The following CLSTN1 variants were observed in gnomAD, a reference collection of about 807,000 sequenced individuals.
CLSTN1 encodes calsyntenin 1, also known as calsyntenin-1.
CLSTN1 carries 28 observed loss-of-function variants against 108.3 expected under a neutral mutation model. That is an observed-to-expected ratio of 0.26 (90% CI 0.19 to 0.35). The LOEUF is 0.35. Among genes scored for constraint, CLSTN1 ranks in the 10% least tolerant of loss-of-function variants. The probability of loss-of-function intolerance (pLI) is 1.00; values close to 1 mark genes in which losing one functional copy is unlikely to be tolerated. For synonymous variants in CLSTN1, 524 were observed against 534.9 expected (o/e 0.98, Z 0.28); for missense variants, 1,157 against 1,302.6 (o/e 0.89, Z 1.72).
rs186337573 is a variant in CLSTN1 at position 9,768,358 on chromosome 1, C to T, written c.214+4914G>A. Among the ~76,000 whole-genome samples, 390 of 84,082 alleles carry T rather than the reference C, an allele frequency of 4.6e-3. 2 individuals carry two copies. The highest frequency in any genetic ancestry group is 0.015 in the African/African-American group (348 of 23,032). The allele number at this position is 84,082 out of a possible 152,430, so 55.2% of individuals were successfully genotyped here. On this transcript the variant is annotated intron_variant, in intron 2 of 18. Coordinates refer to ENST00000377298, the MANE Select transcript of CLSTN1 (RefSeq NM_001009566.3). ...TCTATGTTGGGCGGCACCATGGGGG[C>T]GGGATTCTGTGTTGGGCGGCACCAT...
chr1:9,796,135 G>A (rs1442807766), intron 1 of CLSTN1, among the ~76,000 whole-genome samples: 6 of 150,676 alleles, frequency 4.0e-5, no homozygotes, highest in South Asian at 2.2e-4. Flanking sequence ...GGTGGTGGGC[G>A]CCTGTAATCC....
Position 9,756,481 on chromosome 1 carries a change from C to CTT in CLSTN1, c.242_243dup (p.Gly82LysfsTer20). 6.2e-7 allele frequency: 1 copy of CTT among 1,612,114 alleles called. No homozygotes were observed. Among genetic ancestry groups the CTT allele is most frequent in the East Asian group, 2.2e-5 (1 of 44,862 alleles). On this transcript the variant is annotated frameshift_variant and splice_region_variant, in exon 3 of 19. Transcript: ENST00000377298. LOFTEE classifies it high-confidence loss of function. Reference sequence around the variant, plus strand: ...AGGGGAAGAAAGAACCCTTTATCACCTTCTTTGGTGACTGTCACCTCAAAA... The same window carrying CTT: ...AGGGGAAGAAAGAACCCTTTATCACCTTTTCTTTGGTGACTGTCACCTCAAAA...
chr1:9,755,142 C>A lies in CLSTN1; in HGVS notation c.412G>T (p.Asp138Tyr). The change falls in exon 4 of 19, where the codon GAT becomes TAT. Residue 138 changes from aspartate to tyrosine, a missense_variant. Coordinates refer to ENST00000377298, the MANE Select transcript of CLSTN1 (RefSeq NM_001009566.3). ...IQAYDCGKGP[D>Y]GTNVKKSHKA... ...TGAGACTTTTTCACGTTGGTGCCAT[C>A]AGGTCCCTTCCCACAATCATAGGCC... The A allele has an allele frequency of 5.0e-6, 8 of 1,613,210 alleles. No individual in the cohort carries two copies. Among genetic ancestry groups the A allele is most frequent in the Non-Finnish European group, 6.8e-6 (8 of 1,179,348 alleles).
At chr1:9,758,216 C>A (rs903388281) in intron 2 of CLSTN1, among the ~76,000 whole-genome samples, 4 of 152,192 alleles carry the variant, frequency 2.6e-5, no homozygotes, top group African/African-American at 9.7e-5. Flanking sequence ...TGGTCTCGAA[C>A]TCCTGGCATC....
chr1:9,738,656 TTTTG>T (rs757138335), intron 10 of CLSTN1, among the ~76,000 whole-genome samples: 33 of 152,314 alleles, frequency 2.2e-4, no homozygotes, highest in East Asian at 5.8e-4. Context: ...TGTGGGGTTT[TTTTG>T]TTTGTTTGTT....
chr1:9,740,187 G>T (rs139065812), intron 10 of CLSTN1, among the ~76,000 whole-genome samples: 1 of 152,024 alleles, frequency 6.6e-6, no homozygotes, highest in Non-Finnish European at 1.5e-5. Context: ...AGCCTCTCGA[G>T]TAGCTGGGAT....
At chr1:9,819,912 T>C (rs576856593) in intron 1 of CLSTN1, among the ~76,000 whole-genome samples, 2 of 152,128 alleles carry the variant, frequency 1.3e-5, no homozygotes, top group Admixed American at 6.5e-5. Context: ...AGCTGAAAAT[T>C]ATAGTATTTT....
chr1:9,804,220 G>T (rs189924172), intron 1 of CLSTN1, among the ~76,000 whole-genome samples: 2 of 151,912 alleles, frequency 1.3e-5, no homozygotes, highest in African/African-American at 4.8e-5. Flanking sequence ...AAAATTAGCC[G>T]GGCGTGGTGG....
chr1:9,799,039 GAC>G (rs903923531), intron 1 of CLSTN1, among the ~76,000 whole-genome samples: 64 of 151,992 alleles, frequency 4.2e-4, no homozygotes, highest in African/African-American at 1.5e-3. Flanking sequence ...AAATTAGCCA[GAC>G]ATAGTGGTGC....
chr1:9,778,796 C>T (rs959619642), intron 1 of CLSTN1, among the ~76,000 whole-genome samples: 2 of 151,910 alleles, frequency 1.3e-5, no homozygotes, highest in African/African-American at 4.8e-5. Context: ...GGGTGGATCA[C>T]CTGAGGTCAG....
Position 9,731,363 on chromosome 1 carries a change from ATCACAACTG to A in CLSTN1, c.2582_2590del (p.Thr861_Val863del), listed in dbSNP as rs1009553103. 11 of 1,614,220 alleles carry A rather than the reference ATCACAACTG, an allele frequency of 6.8e-6. No individual in the cohort carries two copies. The East Asian group carries it at 2.0e-4, about 29-fold the overall frequency. On this transcript the variant is annotated inframe_deletion, in exon 18 of 19. Transcript: ENST00000377298. The stretch of plus-strand genomic sequence containing the variant: ...CACCAGGAAGCTGACGCACACCACG[ATCACAACTG>A]TCGCAGTGCTGGGGACGACTGTGGG...
intron 1 of CLSTN1, among the ~76,000 whole-genome samples, chr1:9,812,616 G>A (rs1654806066): frequency 6.6e-6 from 1 of 152,144 alleles, no homozygotes; most frequent in Non-Finnish European, 1.5e-5. Flanking sequence ...GGAGGCCGAG[G>A]CGGGCAGAAC....
At chr1:9,799,892 G>A (rs1013739967) in intron 1 of CLSTN1, among the ~76,000 whole-genome samples, 3 of 150,086 alleles carry the variant, frequency 2.0e-5, no homozygotes, top group Admixed American at 1.3e-4. Flanking sequence ...AGTGAGCCAA[G>A]ATCGTGCCAC....
chr1:9,784,452 G>A (rs914295159), intron 1 of CLSTN1, among the ~76,000 whole-genome samples: 46 of 152,238 alleles, frequency 3.0e-4, no homozygotes, highest in African/African-American at 1.1e-3. Context: ...AGGCTGCCGT[G>A]AGCCAAGATC....
intron 1 of CLSTN1, among the ~76,000 whole-genome samples, chr1:9,797,721 C>T (rs1654073127): frequency 1.3e-5 from 2 of 151,954 alleles, no homozygotes; most frequent in Admixed American, 1.3e-4. Flanking sequence ...ACAGAGGAGG[C>T]TTGGCTAGGA....
At chr1:9,781,267 T>C (rs767617769) in intron 1 of CLSTN1, 3 of 735,016 alleles carry the variant, frequency 4.1e-6, no homozygotes, top group Admixed American at 2.1e-5. Context: ...TGATGAGATA[T>C]GTCAAGCTCT....
chr1:9,740,501 T>A (rs1302543445), intron 10 of CLSTN1, among the ~76,000 whole-genome samples: 1 of 152,186 alleles, frequency 6.6e-6, no homozygotes, highest in Non-Finnish European at 1.5e-5. Flanking sequence ...ACAACGTGTA[T>A]AAAGGAGTTG....
intron 2 of CLSTN1, among the ~76,000 whole-genome samples, chr1:9,768,998 AG>A (rs1368408533): frequency 2.6e-5 from 2 of 77,032 alleles, no homozygotes; most frequent in Admixed American, 3.5e-4. Flanking sequence ...GGAGTGAGGG[AG>A]GGGGGAACAG....
At chr1:9,749,268 AC>A (rs1261628132) in intron 7 of CLSTN1, among the ~76,000 whole-genome samples, 192 bp downstream of exon 7, 2 of 151,884 alleles carry the variant, frequency 1.3e-5, no homozygotes, top group African/African-American at 4.8e-5. Flanking sequence ...GTTGATGTCC[AC>A]CCCCTGCCCC....
Sources: allele counts gnomAD v4.1 joint callset (sites outside exome capture counted in the v4.1 genomes callset), GRCh38; gene constraint gnomAD v4.1.1; transcripts MANE v1.5; gene names NCBI Gene and HGNC (gene_info 2026-07-23, HGNC 2026-07-21).